SLC16A10: variants seen among roughly 807,000 people sequenced by gnomAD.
SLC16A10 encodes solute carrier family 16 member 10.
In SLC16A10, 27 loss-of-function variants were observed where a neutral mutation model predicts 40.0. That is an observed-to-expected ratio of 0.67 (90% CI 0.50 to 0.93). The LOEUF (loss-of-function observed/expected upper bound fraction) is 0.93, where lower values mean the gene tolerates loss of function less well. Among genes scored for constraint, SLC16A10 ranks in the 40% least tolerant of loss-of-function variants. SLC16A10 has a pLI of 0.00. For synonymous variants in SLC16A10, 213 were observed against 249.8 expected (o/e 0.85, Z 1.39); for missense variants, 529 against 658.2 (o/e 0.80, Z 2.15).
At chr6:111,144,438 C>T (rs953113589) in intron 1 of SLC16A10, among the ~76,000 whole-genome samples, 4 of 152,132 alleles carry the variant, frequency 2.6e-5, no homozygotes, top group East Asian at 1.9e-4. Flanking sequence ...CTCCTGACCT[C>T]GTGATCTGCC....
chr6:111,182,480 A>G (rs1772816719), intron 3 of SLC16A10, among the ~76,000 whole-genome samples: 1 of 141,476 alleles, frequency 7.1e-6, no homozygotes, highest in African/African-American at 2.6e-5. Context: ...AGCATGTCCT[A>G]GGGCTTGTCC....
chr6:111,199,833 A>AAG (rs1773140726), intron 3 of SLC16A10, among the ~76,000 whole-genome samples: 1 of 151,666 alleles, frequency 6.6e-6, no homozygotes, highest in Non-Finnish European at 1.5e-5. Flanking sequence ...AATTTAAAAA[A>AAG]AAAAAACAAG....
chr6:111,200,356 C>A (rs1055059720), intron 3 of SLC16A10, among the ~76,000 whole-genome samples: 1 of 152,130 alleles, frequency 6.6e-6, no homozygotes, highest in Non-Finnish European at 1.5e-5. Context: ...CTGGTCTAAT[C>A]GATAAATATC....
intron 1 of SLC16A10, among the ~76,000 whole-genome samples, chr6:111,171,510 A>C (rs966431243): frequency 2.6e-5 from 4 of 152,210 alleles, no homozygotes; most frequent in African/African-American, 9.6e-5. Flanking sequence ...ACACAAAAGA[A>C]ATATGACTGA....
intron 1 of SLC16A10, among the ~76,000 whole-genome samples, chr6:111,121,202 G>T (rs1231674522): frequency 6.6e-6 from 1 of 152,194 alleles, no homozygotes; most frequent in East Asian, 1.9e-4. Context: ...CCTGTTGGAG[G>T]AATTGAGGCA....
At chr6:111,200,439 G>C (rs763465895) in intron 3 of SLC16A10, among the ~76,000 whole-genome samples, 15 of 152,116 alleles carry the variant, frequency 9.9e-5, no homozygotes, top group Non-Finnish European at 1.3e-4. Context: ...TCAAGTCTAT[G>C]GAGTTTGTTT....
At chr6:111,102,908 A>T (rs955080546) in intron 1 of SLC16A10, among the ~76,000 whole-genome samples, 4 of 152,054 alleles carry the variant, frequency 2.6e-5, no homozygotes, top group Non-Finnish European at 4.4e-5. Context: ...GTATTTATTT[A>T]GTTATTTTTA....
intron 1 of SLC16A10, among the ~76,000 whole-genome samples, chr6:111,169,919 CTTTT>C (rs60561269): frequency 7.4e-6 from 1 of 135,114 alleles, no homozygotes; most frequent in Non-Finnish European, 1.6e-5. Flanking sequence ...TCTTTTCTTT[CTTTT>C]TTTTTTTTTT....
chr6:111,136,110 T>C (rs553566153), intron 1 of SLC16A10, among the ~76,000 whole-genome samples: 1 of 152,266 alleles, frequency 6.6e-6, no homozygotes, highest in East Asian at 1.9e-4. Flanking sequence ...TATACACTAA[T>C]TAAGGAAACT....
chr6:111,126,016 G>A (rs535589471), intron 1 of SLC16A10, among the ~76,000 whole-genome samples: 6 of 152,216 alleles, frequency 3.9e-5, no homozygotes, highest in African/African-American at 9.6e-5. Context: ...AGTCAGTAGC[G>A]GCTTTGTTCA....
chr6:111,150,557 G>A (rs1257840714), intron 1 of SLC16A10, among the ~76,000 whole-genome samples: 1 of 152,226 alleles, frequency 6.6e-6, no homozygotes, highest in African/African-American at 2.4e-5. Flanking sequence ...ATTAATATAA[G>A]TGAGCTAGTT....
chr6:111,177,489 A>G lies in SLC16A10; in HGVS notation c.766A>G (p.Thr256Ala). ...LAGFTYRPLA[T>A]STKDKESGGS... is the part of the protein sequence containing the mutation. ...TGGCTTTACTTACCGACCTCTTGCTACCAGTACCAAAGATAAAGAGAGTGG... is the reference window on the plus strand; with the variant it reads ...TGGCTTTACTTACCGACCTCTTGCTGCCAGTACCAAAGATAAAGAGAGTGG... The change falls in exon 3 of 6, where the codon ACC becomes GCC. Residue 256 changes from threonine (T) to alanine (A), a missense_variant. Thr to Ala is a moderately conservative substitution (Grantham distance 58, BLOSUM62 0). Transcript: ENST00000368851. 1.2e-6 allele frequency: 2 copies of G among 1,614,086 alleles called. No homozygotes were observed. The highest frequency in any genetic ancestry group is 1.7e-6 in the Non-Finnish European group (2 of 1,180,004).
At chr6:111,195,849 C>T (rs1773071367) in intron 3 of SLC16A10, among the ~76,000 whole-genome samples, 1 of 152,166 alleles carries the variant, frequency 6.6e-6, no homozygotes, top group African/African-American at 2.4e-5. Flanking sequence ...TCTTATCTGT[C>T]CTCCTACCAG....
chr6:111,089,881 A>C (rs938195448), intron 1 of SLC16A10, among the ~76,000 whole-genome samples: 1 of 130,640 alleles, frequency 7.7e-6, no homozygotes, highest in African/African-American at 2.8e-5. Context: ...AATTCAGTTA[A>C]GTAGATCCTT....
intron 1 of SLC16A10, among the ~76,000 whole-genome samples, chr6:111,099,084 T>C (rs1771126992): frequency 6.6e-6 from 1 of 152,216 alleles, no homozygotes; most frequent in South Asian, 2.1e-4. Context: ...TGATATTGGT[T>C]CAAAACAAAT....
At chr6:111,122,118 C>T (rs552232739) in intron 1 of SLC16A10, among the ~76,000 whole-genome samples, 11 of 152,272 alleles carry the variant, frequency 7.2e-5, no homozygotes, top group African/African-American at 2.6e-4. Flanking sequence ...GGTACAAGCT[C>T]AGGGAGGGTT....
Position 111,090,776 on chromosome 6 carries a change from C to T in SLC16A10, c.343+2681C>T, listed in dbSNP as rs532741114. Among the ~76,000 whole-genome samples, 52 of 152,322 alleles carry T rather than the reference C, an allele frequency of 3.4e-4. 1 individual carries two copies. Among genetic ancestry groups the T allele is most frequent in the African/African-American group, 1.2e-3 (51 of 41,570 alleles). On this transcript the variant is annotated intron_variant, in intron 1 of 5. Coordinates refer to ENST00000368851, the MANE Select transcript of SLC16A10 (RefSeq NM_018593.5). ...TGAGTCGTCTGTGATCAAGCATATG[C>T]AAGCTTCAAATACATGCCAAAAAAT...
At chr6:111,148,722 C>T (rs1453966675) in intron 1 of SLC16A10, among the ~76,000 whole-genome samples, 1 of 152,196 alleles carries the variant, frequency 6.6e-6, no homozygotes, top group African/African-American at 2.4e-5. Context: ...GACTGGGTTC[C>T]CTTCCTCCAC....
intron 3 of SLC16A10, among the ~76,000 whole-genome samples, chr6:111,191,859 G>A (rs887062119): frequency 6.6e-6 from 1 of 151,896 alleles, no homozygotes; most frequent in African/African-American, 2.4e-5. Flanking sequence ...TTTTTGATGG[G>A]GTTGTTTGTT....
Sources: gnomAD v4.1 joint callset for allele counts (sites outside exome capture counted in the v4.1 genomes callset) on GRCh38, gnomAD v4.1.1 for gene constraint, MANE v1.5 for transcripts, NCBI Gene and HGNC (gene_info 2026-07-23, HGNC 2026-07-21) for gene names.